The following MEOX2 variants were observed in gnomAD, a reference collection of about 807,000 sequenced individuals.
MEOX2 encodes mesenchyme homeobox 2.
In MEOX2, 11 loss-of-function variants were observed where a neutral mutation model predicts 27.0. The ratio of observed to expected loss-of-function variants is 0.41; its 90% CI spans 0.26 to 0.68. The LOEUF (loss-of-function observed/expected upper bound fraction) is 0.68. Ranked by LOEUF, MEOX2 falls within the 30% of genes least tolerant of loss-of-function variation. The probability of loss-of-function intolerance (pLI) is 0.33; values close to 1 mark genes in which losing one functional copy is unlikely to be tolerated. For missense variants in MEOX2, 436 were observed against 385.4 expected (o/e 1.13, Z -1.10); for synonymous variants, 189 against 155.4 (o/e 1.22, Z -1.61).
At chr7:15,672,571 A>G (rs1264853251) in intron 1 of MEOX2, among the ~76,000 whole-genome samples, 3 of 152,310 alleles carry the variant, frequency 2.0e-5, no homozygotes, top group East Asian at 1.9e-4. Flanking sequence ...ATCACATACA[A>G]TCAAAGGTAT....
At chr7:15,684,135 G>A (rs1265201036) in intron 1 of MEOX2, among the ~76,000 whole-genome samples, 2 of 152,072 alleles carry the variant, frequency 1.3e-5, no homozygotes, top group Non-Finnish European at 2.9e-5. Flanking sequence ...AAACTTAAGG[G>A]CAATGGCTCA....
At chr7:15,656,614 C>G (rs554159506) in intron 1 of MEOX2, among the ~76,000 whole-genome samples, 1 of 151,712 alleles carries the variant, frequency 6.6e-6, no homozygotes, top group African/African-American at 2.4e-5. Context: ...TCCCTTTATT[C>G]CTCTTTAACC....
At chr7:15,630,751 G>C (rs1340657040) in intron 1 of MEOX2, among the ~76,000 whole-genome samples, 1 of 151,998 alleles carries the variant, frequency 6.6e-6, no homozygotes, top group Non-Finnish European at 1.5e-5. Flanking sequence ...TAGGCATAGG[G>C]ATTGTGGATG....
intron 1 of MEOX2, among the ~76,000 whole-genome samples, chr7:15,669,562 G>T (rs1782064174): frequency 1.3e-5 from 2 of 152,080 alleles, no homozygotes; most frequent in African/African-American, 4.8e-5. Flanking sequence ...GAATTCACTG[G>T]TGAATAGTCC....
At chr7:15,626,269 G>C (rs2389536) in intron 2 of MEOX2, among the ~76,000 whole-genome samples, 32 of 152,114 alleles carry the variant, frequency 2.1e-4, no homozygotes, top group African/African-American at 7.7e-4. Flanking sequence ...TGGACATGTA[G>C]AGTTTGTATG....
chr7:15,675,580 G>C (rs1054673447), intron 1 of MEOX2, among the ~76,000 whole-genome samples: 2 of 152,244 alleles, frequency 1.3e-5, no homozygotes, highest in East Asian at 3.8e-4. Flanking sequence ...TGAATGGACA[G>C]ACATTACTTA....
In MEOX2 at chr7:15,611,847, A is replaced by T. The variant is rs1044119904; in HGVS notation, c.*540T>A. On this transcript the variant is annotated 3_prime_UTR_variant, in exon 3 of 3. Transcript: ENST00000262041. ...AAAATGACTTAAGGGTAATATATAC[A>T]GAGTTAAAATACACTTTTTATCCAC... 1 of 155,552 alleles carries T rather than the reference A, an allele frequency of 6.4e-6. No individual in the cohort carries two copies. Among genetic ancestry groups the T allele is most frequent in the African/African-American group, 2.4e-5 (1 of 41,476 alleles). The allele number at this position is 155,552 out of a possible 1,614,324, so 9.6% of individuals were successfully genotyped here.
intron 1 of MEOX2, among the ~76,000 whole-genome samples, chr7:15,661,012 C>CAAAAAAAAAA (rs71004402): frequency 2.3e-4 from 10 of 44,336 alleles, no homozygotes; most frequent in Non-Finnish European, 3.1e-4. Flanking sequence ...GACTCAGTCT[C>CAAAAAAAAAA]AAAAAAAAAA....
intron 1 of MEOX2, among the ~76,000 whole-genome samples, chr7:15,656,764 CT>C (rs1304842050): frequency 2.0e-5 from 3 of 151,722 alleles, no homozygotes; most frequent in Non-Finnish European, 4.4e-5. Flanking sequence ...TTGTATTTAC[CT>C]ATAATTTTAC....
intron 1 of MEOX2, among the ~76,000 whole-genome samples, chr7:15,665,918 C>CTGCATATATGCATATATG (rs1367083445): frequency 5.6e-4 from 86 of 152,236 alleles, no homozygotes; most frequent in African/African-American, 1.9e-3. Flanking sequence ...TGCTATTATT[C>CTGCATATATGCATATATG]CCACCTCTGC....
chr7:15,655,268 T>C (rs925586927), intron 1 of MEOX2, among the ~76,000 whole-genome samples: 9 of 151,770 alleles, frequency 5.9e-5, no homozygotes, highest in Admixed American at 5.3e-4. Flanking sequence ...GTGGCTTCTC[T>C]GTTTTTCATT....
chr7:15,637,004 G>A (rs1347029168), intron 1 of MEOX2, among the ~76,000 whole-genome samples: 9 of 151,980 alleles, frequency 5.9e-5, no homozygotes, highest in South Asian at 4.1e-4. Context: ...TTTTCAACAC[G>A]TGAATTTTGG....
At chr7:15,620,194 A>C (rs1781198532) in intron 2 of MEOX2, among the ~76,000 whole-genome samples, 1 of 152,136 alleles carries the variant, frequency 6.6e-6, no homozygotes, top group South Asian at 2.1e-4. Flanking sequence ...TAATTGTCAT[A>C]TCATGAGTTA....
rs548920305 is a variant in MEOX2 at position 15,678,138 on chromosome 7, T to C, written c.517+7748A>G. Among the ~76,000 whole-genome samples the C allele has an allele frequency of 3.9e-5, 6 of 152,308 alleles. No individual in the cohort carries two copies. The East Asian group carries it at 1.2e-3, about 29-fold the overall frequency. The stretch of plus-strand genomic sequence containing the variant: ...GTCTCAATCATTTTTACATCTACAT[T>C]CTGTCTAGTTTAATGCATCCAGATC... On this transcript the variant is annotated intron_variant, in intron 1 of 2. Transcript: ENST00000262041.
chr7:15,648,549 T>A (rs1469640865), intron 1 of MEOX2, among the ~76,000 whole-genome samples: 2 of 152,064 alleles, frequency 1.3e-5, no homozygotes, highest in East Asian at 3.9e-4. Context: ...GGTCCTTTAT[T>A]GTTACCATTA....
chr7:15,616,262 T>C (rs1781122329), intron 2 of MEOX2, among the ~76,000 whole-genome samples: 1 of 151,584 alleles, frequency 6.6e-6, no homozygotes, highest in African/African-American at 2.4e-5. Context: ...AAACAAAAAA[T>C]TGCAACAAAT....
At chr7:15,649,279 ATATAT>A (rs1373070592) in intron 1 of MEOX2, among the ~76,000 whole-genome samples, 6 of 152,136 alleles carry the variant, frequency 3.9e-5, no homozygotes, top group Non-Finnish European at 5.9e-5. Flanking sequence ...ATTGTAAGTA[ATATAT>A]TATGTAACTT....
At chr7:15,658,303 G>T (rs972885119) in intron 1 of MEOX2, among the ~76,000 whole-genome samples, 4 of 152,166 alleles carry the variant, frequency 2.6e-5, no homozygotes, top group African/African-American at 9.7e-5. Flanking sequence ...TGGAAGTCTA[G>T]GCTGTTCACT....
At chr7:15,668,187 C>T (rs538296182) in intron 1 of MEOX2, 1 of 152,320 alleles carries the variant, frequency 6.6e-6, no homozygotes, top group South Asian at 2.1e-4. Context: ...GCCTCTCCTA[C>T]CTGAGACAGA....
Sources: allele counts gnomAD v4.1 joint callset (sites outside exome capture counted in the v4.1 genomes callset), GRCh38; gene constraint gnomAD v4.1.1; transcripts MANE v1.5; gene names NCBI Gene and HGNC (gene_info 2026-07-23, HGNC 2026-07-21).